The following FCN1 variants were observed in gnomAD, a reference collection of about 807,000 sequenced individuals.
FCN1 encodes ficolin-1.
In FCN1, 42 loss-of-function variants were observed where a neutral mutation model predicts 35.6. That is an observed-to-expected ratio of 1.18 (90% confidence interval 0.92 to 1.53). The LOEUF is 1.53. Among genes scored for constraint, FCN1 ranks in the 40% most tolerant of loss-of-function variants. The probability of loss-of-function intolerance (pLI) is 0.00; values close to 1 mark genes in which losing one functional copy is unlikely to be tolerated. For synonymous variants in FCN1, 179 were observed against 169.8 expected (o/e 1.05, Z -0.42); for missense variants, 439 against 428.4 (o/e 1.02, Z -0.22).
At chr9:134,911,044 G>A in intron 8 of FCN1, 89 bp downstream of exon 8, 1 of 1,343,660 alleles carries the variant, frequency 7.4e-7, no homozygotes, top group Non-Finnish European at 1.1e-6. Flanking sequence ...TCAGAGAGAG[G>A]AGGGCCCAAG....
rs1281229047 is a variant in FCN1 at position 134,909,367 on chromosome 9, G to A, written c.*431C>T. On this transcript the variant is annotated 3_prime_UTR_variant, in exon 9 of 9. Coordinates refer to ENST00000371806, the MANE Select transcript of FCN1 (RefSeq NM_002003.5). The stretch of plus-strand genomic sequence containing the variant: ...GGCATGGGGGGATGGGGGAGGCTTG[G>A]GGGTGGAGGTGAGGATCGCCCTGTG... 1.6e-6 allele frequency: 2 copies of A among 1,289,856 alleles called. No homozygotes were observed. Among genetic ancestry groups the A allele is most frequent in the Non-Finnish European group, 1.0e-6 (1 of 989,102 alleles). The allele number at this position is 1,289,856 out of a possible 1,614,324, so 79.9% of individuals were successfully genotyped here.
At position 134,914,380 on chromosome 9, in the gene FCN1, C is replaced by T; in HGVS notation, c.307+5G>A. ...GACAACTGCCTGGGCCCACGGGTGG[C>T]TCACCTTTCTCTCCACGCATCCCCT... On this transcript the variant is annotated splice_donor_5th_base_variant and intron_variant, in intron 4 of 8. Transcript: ENST00000371806. 6.2e-7 allele frequency: 1 copy of T among 1,614,004 alleles called. No individual in the cohort carries two copies. The highest frequency in any genetic ancestry group is 8.5e-7 in the Non-Finnish European group (1 of 1,179,860).
In FCN1 at chr9:134,905,746, AG is replaced by A. The variant is rs1830936548; in HGVS notation, c.*4051del. The A allele has an allele frequency of 5.1e-6, 1 of 195,712 alleles. No homozygotes were observed. The highest frequency in any genetic ancestry group is 8.2e-5 in the South Asian group (1 of 12,264). 12.1% of individuals were successfully genotyped at this position (195,712 alleles called of 1,614,324 possible). A position where few individuals can be genotyped will look rare whatever the true frequency, so the allele number is the denominator to read the frequency against. On this transcript the variant is annotated 3_prime_UTR_variant, in exon 9 of 9. Transcript: ENST00000371806. ...TGATCCGCCCGCCTCGGCCTCCCAA[AG>A]TGCTGGGATTACAAGCGTGAGCCAC...
chr9:134,905,687 T>C lies in FCN1; in HGVS notation c.*4111A>G, dbSNP rs931886027. On this transcript the variant is annotated 3_prime_UTR_variant, in exon 9 of 9. Coordinates refer to ENST00000371806, the MANE Select transcript of FCN1 (RefSeq NM_002003.5). ...TTTTAGTAGAGACGGGGTTTCATCA[T>C]GTTAGCCAGGATGGTCTTGATCTCC... Among the ~76,000 whole-genome samples, 10 of 151,786 alleles carry C rather than the reference T, an allele frequency of 6.6e-5. No homozygotes were observed. Among genetic ancestry groups the C allele is most frequent in the South Asian group, 6.3e-4 (3 of 4,788 alleles).
At chr9:134,910,205 G>A (rs1289955056) in intron 8 of FCN1, among the ~76,000 whole-genome samples, 160 bp from the exon 9 acceptor site, 7 of 152,150 alleles carry the variant, frequency 4.6e-5, no homozygotes, top group Non-Finnish European at 8.8e-5. Context: ...GGAGGAAGGG[G>A]AAGCAGGAGG....
Position 134,908,047 on chromosome 9 carries a change from T to C in FCN1, c.*1751A>G, listed in dbSNP as rs929873661. On this transcript the variant is annotated 3_prime_UTR_variant, in exon 9 of 9. Transcript: ENST00000371806. Reference sequence around the variant, plus strand: ...AGGTTGGTTCCATCAATTCGCATTGTTACTAGCAGTGTATGCAAATCTCCC... The same window carrying C: ...AGGTTGGTTCCATCAATTCGCATTGCTACTAGCAGTGTATGCAAATCTCCC... 2.6e-5 allele frequency: 4 copies of C among 152,238 alleles called. No homozygotes were observed. Among genetic ancestry groups the C allele is most frequent in the African/African-American group, 9.7e-5 (4 of 41,426 alleles). 9.4% of individuals were successfully genotyped at this position (152,238 alleles called of 1,614,324 possible).
chr9:134,911,342 ATT>A (rs34307683), intron 7 of FCN1, 75 bp from the exon 8 acceptor site: 39,648 of 892,074 alleles, frequency 0.044, 2 homozygotes, highest in South Asian at 0.063. Flanking sequence ...GGGATGGGTA[ATT>A]TTTTTTTTTT....
chr9:134,914,498 C>T (rs3012788), intron 3 of FCN1, 78 bp from the exon 4 acceptor site: 867,819 of 1,395,772 alleles, frequency 0.62, 272,267 homozygotes, highest in South Asian at 0.7. Flanking sequence ...AGTGGGCTCC[C>T]GGCCTGGACA....
At chr9:134,910,152 C>G (rs1831005200) in intron 8 of FCN1, 107 bp from the exon 9 acceptor site, 1 of 1,070,896 alleles carries the variant, frequency 9.3e-7, no homozygotes, top group African/African-American at 1.6e-5. Flanking sequence ...TTTAGCGACG[C>G]ATGAGCCGAG....
At chr9:134,913,266 C>T (rs60837943) in intron 5 of FCN1, 123 bp from the exon 6 acceptor site, 17,039 of 1,347,774 alleles carry the variant, frequency 0.013, 735 homozygotes, top group South Asian at 0.095. Context: ...AGCAGGACTC[C>T]GAGGCCTGGA....
intron 4 of FCN1, 86 bp downstream of exon 4, chr9:134,914,299 C>G (rs907935453): frequency 8.5e-7 from 1 of 1,173,170 alleles, no homozygotes; most frequent in Non-Finnish European, 1.3e-6. Flanking sequence ...GGGACGTGGG[C>G]GGTGGGCAGG....
Position 134,912,669 on chromosome 9 carries a change from A to C in FCN1, c.469-54T>G. On this transcript the variant is annotated intron_variant, in intron 6 of 8. Coordinates refer to ENST00000371806, the MANE Select transcript of FCN1 (RefSeq NM_002003.5). The stretch of plus-strand genomic sequence containing the variant: ...GCGGGGCAGGCCGAGGTCCCACAGC[A>C]CCGGGGACCCGCCCTCCAGAGGAGC... 2.5e-6 allele frequency: 4 copies of C among 1,611,870 alleles called. No individual in the cohort carries two copies. The East Asian group carries it at 6.7e-5, about 27-fold the overall frequency.
Position 134,913,009 on chromosome 9 carries a change from C to T in FCN1, c.468+7G>A, listed in dbSNP as rs752792865. On this transcript the variant is annotated splice_region_variant and intron_variant, in intron 6 of 8. Transcript: ENST00000371806. ...GGCTGACCGCCTCTGCCCAGCCCCA[C>T]ACTCACGGTCCAGCCCCCTCCGTCC... 1.9e-6 allele frequency: 3 copies of T among 1,609,730 alleles called. No homozygotes were observed. Among genetic ancestry groups the T allele is most frequent in the Non-Finnish European group, 2.5e-6 (3 of 1,178,148 alleles).
intron 6 of FCN1, 86 bp from the exon 7 acceptor site, chr9:134,912,701 T>C: frequency 6.4e-7 from 1 of 1,574,658 alleles, no homozygotes; most frequent in South Asian, 1.1e-5. Context: ...GAGCAGCATT[T>C]GTAGTTGGCA....
At position 134,904,114 on chromosome 9, in the gene FCN1, C is replaced by T. The variant is rs752078904; in HGVS notation, c.*5684G>A. Among the ~76,000 whole-genome samples the T allele has an allele frequency of 7.9e-5, 12 of 152,140 alleles. No individual in the cohort carries two copies. The highest frequency in any genetic ancestry group is 1.6e-4 in the Non-Finnish European group (11 of 68,022). On this transcript the variant is annotated 3_prime_UTR_variant, in exon 9 of 9. Coordinates refer to ENST00000371806, the MANE Select transcript of FCN1 (RefSeq NM_002003.5). ...AATAGCAATATTTAAGAGATAATGGCTAGCATTTTTCAAAACTCATGAAAG... is the reference window on the plus strand; with the variant it reads ...AATAGCAATATTTAAGAGATAATGGTTAGCATTTTTCAAAACTCATGAAAG...
intron 2 of FCN1, 49 bp downstream of exon 2, chr9:134,916,299 G>A (rs777498821): frequency 7.3e-7 from 1 of 1,377,148 alleles, no homozygotes; most frequent in Non-Finnish European, 1.0e-6. Context: ...TAAAGAGCAA[G>A]AGCCAGTGCC....
At position 134,905,186 on chromosome 9, in the gene FCN1, A is replaced by T. The variant is rs1830927788; in HGVS notation, c.*4612T>A. On this transcript the variant is annotated 3_prime_UTR_variant, in exon 9 of 9. Transcript: ENST00000371806. Reference sequence around the variant, plus strand: ...ATAAGCTGATAGAGGAGGTGACGGGATAATAAAAATATTCAACAAAGACGA... The same window carrying T: ...ATAAGCTGATAGAGGAGGTGACGGGTTAATAAAAATATTCAACAAAGACGA... Among the ~76,000 whole-genome samples, 1 of 152,234 alleles carries T rather than the reference A, an allele frequency of 6.6e-6. No homozygotes were observed. The highest frequency in any genetic ancestry group is 2.4e-5 in the African/African-American group (1 of 41,458).
In FCN1 at chr9:134,912,129, G is replaced by A. The variant is rs549771596; in HGVS notation, c.598+357C>T. On this transcript the variant is annotated intron_variant, in intron 7 of 8. Coordinates refer to ENST00000371806, the MANE Select transcript of FCN1 (RefSeq NM_002003.5). Reference sequence around the variant, plus strand: ...GAGGCGTGGGCTGGAGGAGGCGAGCGTGGGCTCTCCATGGGACTAAGATGC... The same window carrying A: ...GAGGCGTGGGCTGGAGGAGGCGAGCATGGGCTCTCCATGGGACTAAGATGC... Among the ~76,000 whole-genome samples the A allele has an allele frequency of 3.3e-5, 5 of 152,300 alleles. No individual in the cohort carries two copies. The South Asian group carries it at 8.3e-4, about 25-fold the overall frequency.
At chr9:134,911,947 G>C (rs796396574) in intron 7 of FCN1, among the ~76,000 whole-genome samples, 17 of 152,340 alleles carry the variant, frequency 1.1e-4, no homozygotes, top group African/African-American at 3.8e-4. Flanking sequence ...AGGCACCTGA[G>C]TGGATTCCTT....
Sources: gnomAD v4.1 joint callset for allele counts (sites outside exome capture counted in the v4.1 genomes callset) on GRCh38, gnomAD v4.1.1 for gene constraint, MANE v1.5 for transcripts, NCBI Gene and HGNC (gene_info 2026-07-23, HGNC 2026-07-21) for gene names.